The following MTCL1 variants were observed in gnomAD, a reference collection of about 807,000 sequenced individuals.
MTCL1 encodes the protein microtubule crosslinking factor 1.
A neutral mutation model predicts 141.4 loss-of-function variants in MTCL1; 79 were observed. The observed-to-expected ratio is 0.56, with a 90% CI of 0.47 to 0.67. The LOEUF (loss-of-function observed/expected upper bound fraction) is 0.67, where lower values mean the gene tolerates loss of function less well. Among genes scored for constraint, MTCL1 ranks in the 30% least tolerant of loss-of-function variants. The probability of loss-of-function intolerance (pLI) is 0.00; values close to 1 mark genes in which losing one functional copy is unlikely to be tolerated. For synonymous variants in MTCL1, 914 were observed against 875.8 expected (o/e 1.04, Z -0.77); for missense variants, 2,177 against 2,113.9 (o/e 1.03, Z -0.59).
chr18:8,819,063 C>T (rs1222320855), exon 13 of MTCL1: 3 of 1,614,244 alleles, frequency 1.9e-6, no homozygotes, highest in Admixed American at 3.3e-5. Flanking sequence ...CTCCGCATGC[C>T]CCGTCCAGTG....
At chr18:8,829,429 C>G (rs1299115467) in intron 16 of MTCL1, 2 of 980,928 alleles carry the variant, frequency 2.0e-6, no homozygotes, top group African/African-American at 3.5e-5. Context: ...TTTTCAACAA[C>G]CATACCACAA....
intron 11 of MTCL1, among the ~76,000 whole-genome samples, chr18:8,812,652 G>C (rs754962023): frequency 6.6e-6 from 1 of 152,172 alleles, no homozygotes; most frequent in Non-Finnish European, 1.5e-5. Context: ...GTTCCATATA[G>C]GAGCTAAGGA....
chr18:8,814,395 G>A lies in MTCL1; in HGVS notation c.2859+1162G>A, dbSNP rs548322098. Among the ~76,000 whole-genome samples the A allele has an allele frequency of 5.3e-5, 8 of 152,158 alleles. No individual in the cohort carries two copies. In the South Asian group the frequency reaches 8.3e-4, roughly 16 times the overall value. On this transcript the variant is annotated intron_variant, in intron 12 of 16. Transcript: ENST00000359865. ...GCAGATAGAAAAGCTGAAACTCTTC[G>A]TAGGTTTGACCACTTACACAAATGA...
chr18:8,824,950 C>G (rs1291292285), exon 15 of MTCL1: 1 of 1,613,562 alleles, frequency 6.2e-7, no homozygotes, highest in Non-Finnish European at 8.5e-7. Flanking sequence ...GAGGACAGCA[C>G]AGAGCCTTTC....
intron 8 of MTCL1, 95 bp from the exon 8 acceptor site, chr18:8,796,137 A>G (rs1411053240): frequency 8.2e-7 from 1 of 1,221,144 alleles, no homozygotes; most frequent in Non-Finnish European, 1.2e-6. Flanking sequence ...GCAGCATGAC[A>G]GAGACTGAGT....
chr18:8,800,097 G>A (rs62086598), intron 10 of MTCL1, among the ~76,000 whole-genome samples: 16,026 of 152,262 alleles, frequency 0.11, 1,090 homozygotes, highest in Non-Finnish European at 0.15. Flanking sequence ...GTCCAAGGAC[G>A]GAAGATGGAC....
At chr18:8,771,874 G>A (rs1162252166) in intron 4 of MTCL1, among the ~76,000 whole-genome samples, 4 of 152,228 alleles carry the variant, frequency 2.6e-5, no homozygotes, top group Non-Finnish European at 5.9e-5. Flanking sequence ...CCCCACTGGG[G>A]GGGTTCCTGT....
chr18:8,772,982 A>G (rs2096491042), intron 4 of MTCL1, among the ~76,000 whole-genome samples: 1 of 152,212 alleles, frequency 6.6e-6, no homozygotes, highest in African/African-American at 2.4e-5. Context: ...GATTTGCCTA[A>G]CTGTAGCAAT....
At chr18:8,720,438 T>C (rs370205751) in exon 4 of MTCL1, 1 of 1,613,922 alleles carries the variant, frequency 6.2e-7, no homozygotes, top group African/African-American at 1.3e-5. Context: ...CGACAGCAGA[T>C]GATTGAAGTG....
chr18:8,775,063 G>C (rs1393980827), intron 4 of MTCL1, among the ~76,000 whole-genome samples: 1 of 152,086 alleles, frequency 6.6e-6, no homozygotes, highest in Non-Finnish European at 1.5e-5. Context: ...ATTCTGCGTA[G>C]ATTTTGTCTC....
intron 4 of MTCL1, 61 bp from the exon 4 acceptor site, chr18:8,777,772 G>T: frequency 6.7e-7 from 1 of 1,502,986 alleles, no homozygotes; most frequent in Non-Finnish European, 9.3e-7. Context: ...GACGATGTTT[G>T]CTAATGCTGG....
At chr18:8,809,961 C>A in intron 11 of MTCL1, 1 of 165,508 alleles carries the variant, frequency 6.0e-6, no homozygotes, top group Non-Finnish European at 1.3e-5. Context: ...CCAAAATATT[C>A]ATTTTGCAGA....
upstream of MTCL1, among the ~76,000 whole-genome samples, chr18:8,714,459 T>C (rs1403437252): frequency 2.0e-5 from 3 of 152,188 alleles, no homozygotes; most frequent in Admixed American, 2.0e-4. Flanking sequence ...AACACTAGAC[T>C]GGGTAATTTA....
chr18:8,777,929 A>T, intron 5 of MTCL1, 37 bp downstream of exon 4: 1 of 1,577,612 alleles, frequency 6.3e-7, no homozygotes, highest in Non-Finnish European at 8.7e-7. Flanking sequence ...TACATCTCCT[A>T]TAAGTGAAGT....
chr18:8,815,363 C>T lies in MTCL1; in HGVS notation c.2859+2130C>T, dbSNP rs185312870. On this transcript the variant is annotated intron_variant, in intron 12 of 16. Coordinates refer to ENST00000359865, the Ensembl canonical transcript of MTCL1. ...TGGAAATCATCATTCTCAGTACTGT[C>T]GCAAGGACAAAAAACCGAACACCGC... is the stretch of plus-strand genomic sequence containing the variant. 4.1e-3 allele frequency among the ~76,000 whole-genome samples: 629 copies of T among 151,984 alleles called. 5 individuals carry two copies. The highest frequency in any genetic ancestry group is 0.014 in the African/African-American group (595 of 41,404).
chr18:8,809,791 G>A, intron 11 of MTCL1: 1 of 612,564 alleles, frequency 1.6e-6, no homozygotes, highest in Non-Finnish European at 2.8e-6. Flanking sequence ...GATGGAAAGG[G>A]GACAGGTTGG....
intron 4 of MTCL1, among the ~76,000 whole-genome samples, chr18:8,770,264 A>G (rs1182379397): frequency 2.6e-5 from 4 of 152,250 alleles, no homozygotes; most frequent in African/African-American, 9.6e-5. Flanking sequence ...AGTGGTAATA[A>G]CATATGCCTC....
chr18:8,774,954 G>A (rs2096500068), intron 4 of MTCL1, among the ~76,000 whole-genome samples: 1 of 152,132 alleles, frequency 6.6e-6, no homozygotes, highest in African/African-American at 2.4e-5. Flanking sequence ...CATAAGCAAG[G>A]GGAAGGGACA....
chr18:8,815,603 A>G (rs1485666335), intron 12 of MTCL1, among the ~76,000 whole-genome samples: 9 of 151,888 alleles, frequency 5.9e-5, no homozygotes, highest in African/African-American at 1.7e-4. Flanking sequence ...ATGTACCCTA[A>G]AACTTAAAGT....
Sources: allele counts gnomAD v4.1 joint callset (sites outside exome capture counted in the v4.1 genomes callset), GRCh38; gene constraint gnomAD v4.1.1; transcripts MANE v1.5; gene names NCBI Gene and HGNC (gene_info 2026-07-23, HGNC 2026-07-21).